The following LY75 variants were observed in gnomAD, a reference collection of about 807,000 sequenced individuals.
LY75 encodes the protein C-type lectin domain family 13 member B.
In LY75, 185 loss-of-function variants were observed where a neutral mutation model predicts 231.7. That is an observed-to-expected ratio of 0.80 (90% CI 0.71 to 0.90). The LOEUF (loss-of-function observed/expected upper bound fraction) is 0.90. LY75 is among the 40% of genes least tolerant of loss of function. The pLI, the probability that LY75 is intolerant of heterozygous loss-of-function variation, is 0.00. For missense variants in LY75, 1,947 were observed against 2,050.2 expected, an observed-to-expected ratio of 0.95 and a Z score of 0.97; for synonymous variants, 668 against 689.0, an observed-to-expected ratio of 0.97 and a Z score of 0.48.
At chr2:159,810,492 TGA>T in intron 32 of LY75, 32 bp downstream of exon 32, 1 of 1,591,792 alleles carries the variant, frequency 6.3e-7, no homozygotes, top group East Asian at 2.2e-5. Flanking sequence ...TAAAAATTAT[TGA>T]GTCATAAGAA....
In LY75 at chr2:159,834,038, AC is replaced by A; in HGVS notation, c.3841+5del. 1 of 1,612,788 alleles carries A rather than the reference AC, an allele frequency of 6.2e-7. No homozygotes were observed. Among genetic ancestry groups the A allele is most frequent in the Non-Finnish European group, 8.5e-7 (1 of 1,179,610 alleles). ...CAACATGAGAATGGACTAATATAAT[AC>A]TTACTCAGTTTCTGGCATTTAGTAT... is the stretch of plus-strand genomic sequence containing the variant. On this transcript the variant is annotated splice_donor_5th_base_variant and intron_variant, in intron 27 of 34. Coordinates refer to ENST00000263636, the MANE Select transcript of LY75 (RefSeq NM_002349.4).
Position 159,831,265 on chromosome 2 carries a change from CTCT to C in LY75, c.3958+402_3958+404del, listed in dbSNP as rs1336758098. On this transcript the variant is annotated intron_variant, in intron 28 of 34. Coordinates refer to ENST00000263636, the MANE Select transcript of LY75 (RefSeq NM_002349.4). ...AAAGTGTGTAGCACCTCCTCCTTCA[CTCT>C]CTCTCCTGCTCCACCATAGTAAAAC... 2.0e-5 allele frequency among the ~76,000 whole-genome samples: 3 copies of C among 152,134 alleles called. No homozygotes were observed. In the East Asian group the frequency reaches 5.8e-4, roughly 29 times the overall value.
chr2:159,838,446 G>A (rs1399220171), intron 25 of LY75, among the ~76,000 whole-genome samples: 1 of 151,964 alleles, frequency 6.6e-6, no homozygotes, highest in Non-Finnish European at 1.5e-5. Flanking sequence ...AAAATAAATA[G>A]GTACACATAG....
At chr2:159,807,805 T>G in intron 33 of LY75, 2 of 956,320 alleles carry the variant, frequency 2.1e-6, no homozygotes, top group Non-Finnish European at 2.5e-6. Flanking sequence ...ATTTGTACTC[T>G]TATTTCTACC....
In LY75 at chr2:159,887,566, CAA is replaced by C. The variant is rs369452762; in HGVS notation, c.803-1038_803-1037del. 3.3e-3 allele frequency among the ~76,000 whole-genome samples: 341 copies of C among 103,818 alleles called. 2 individuals are homozygous for C. The highest frequency in any genetic ancestry group is 0.019 in the East Asian group (75 of 4,028). The allele number at this position is 103,818 out of a possible 152,430, so 68.1% of individuals were successfully genotyped here. A position where few individuals can be genotyped will look rare whatever the true frequency, so the allele number is the denominator to read the frequency against. On this transcript the variant is annotated intron_variant, in intron 4 of 34. Coordinates refer to ENST00000263636, the MANE Select transcript of LY75 (RefSeq NM_002349.4). ...GAGCAGGACTCTGTCTCAACAACAA[CAA>C]AAAAAAAAAAAAAAAAGAAAAAAGA...
chr2:159,854,103 C>G (rs1397132993), intron 18 of LY75, among the ~76,000 whole-genome samples: 1 of 152,052 alleles, frequency 6.6e-6, no homozygotes, highest in Non-Finnish European at 1.5e-5. Flanking sequence ...AAAAATGTGA[C>G]AGGAAATTAG....
At chr2:159,815,173 T>C (rs1344767722) in intron 31 of LY75, among the ~76,000 whole-genome samples, 1 of 152,090 alleles carries the variant, frequency 6.6e-6, no homozygotes, top group Non-Finnish European at 1.5e-5. Flanking sequence ...GCTATTTTTT[T>C]TGCATTTTTA....
intron 23 of LY75, among the ~76,000 whole-genome samples, chr2:159,844,789 C>CTTT (rs143897451): frequency 1.4e-5 from 2 of 141,532 alleles, no homozygotes; most frequent in African/African-American, 2.7e-5. Context: ...AGCTGTCATT[C>CTTT]TTTTTTTTTT....
intron 30 of LY75, among the ~76,000 whole-genome samples, chr2:159,816,256 C>A (rs990447607): frequency 2.6e-5 from 4 of 152,260 alleles, no homozygotes; most frequent in African/African-American, 9.6e-5. Flanking sequence ...GCACAGATGT[C>A]TTTACTAGCA....
In LY75 at chr2:159,848,068, G is replaced by GTATA. The variant is rs557189751; in HGVS notation, c.3150+1908_3150+1911dup. ...TGAATGGATAAAGAAATTATGGTGTGTATATATATATATATATATATATAT... is the reference window on the plus strand; with the variant it reads ...TGAATGGATAAAGAAATTATGGTGTGTATATATATATATATATATATATATATAT... On this transcript the variant is annotated intron_variant, in intron 23 of 34. Coordinates refer to ENST00000263636, the MANE Select transcript of LY75 (RefSeq NM_002349.4). Among the ~76,000 whole-genome samples, 1,479 of 123,598 alleles carry GTATA rather than the reference G, an allele frequency of 0.012. 79 individuals carry two copies. The East Asian group carries it at 0.16, about 14-fold the overall frequency. The allele number at this position is 123,598 out of a possible 152,430, so 81.1% of individuals were successfully genotyped here. A position where few individuals can be genotyped will look rare whatever the true frequency, so the allele number is the denominator to read the frequency against.
chr2:159,872,021 T>C (rs546350458), intron 13 of LY75: 1 of 155,484 alleles, frequency 6.4e-6, no homozygotes, highest in South Asian at 2.0e-4. Flanking sequence ...TCTTAGTTCC[T>C]TTGCTTATGT....
chr2:159,865,165 GA>G (rs1034780533), intron 13 of LY75, among the ~76,000 whole-genome samples: 1 of 151,870 alleles, frequency 6.6e-6, no homozygotes, highest in South Asian at 2.1e-4. Context: ...ATTTTAAGAG[GA>G]AAAAAATGGA....
intron 28 of LY75, among the ~76,000 whole-genome samples, chr2:159,829,762 C>G (rs1683591272): frequency 6.6e-6 from 1 of 152,118 alleles, no homozygotes. Flanking sequence ...CTATATGTCC[C>G]TCATATGCCT....
At chr2:159,854,700 C>T (rs1455227598) in intron 17 of LY75, among the ~76,000 whole-genome samples, 165 bp from the exon 18 acceptor site, 1 of 152,200 alleles carries the variant, frequency 6.6e-6, no homozygotes, top group Admixed American at 6.5e-5. Context: ...GAGCCAGTGA[C>T]TCTGCCACTC....
rs6722188 is a variant in LY75 at position 159,834,135 on chromosome 2, T to G, written c.3750A>C (p.Pro1250=). Residue 1250 remains proline (P), a synonymous_variant, in exon 27 of 35, where the codon CCA becomes CCC. Coordinates refer to ENST00000263636, the MANE Select transcript of LY75 (RefSeq NM_002349.4). ...PSPVLNTPWI[P]FQNCCYNFII... is the part of the protein sequence containing the mutation. Reference sequence around the variant, plus strand: ...TGAAATTGTAGCAACAGTTCTGAAATGGTATCCACGGAGTATTTAGAACAG... The same window carrying G: ...TGAAATTGTAGCAACAGTTCTGAAAGGGTATCCACGGAGTATTTAGAACAG... 1.2e-6 allele frequency: 2 copies of G among 1,613,962 alleles called. No homozygotes were observed. The highest frequency in any genetic ancestry group is 1.7e-6 in the Non-Finnish European group (2 of 1,179,970).
rs182433068 is a variant in LY75, at chr2:159,853,455, A to T, written c.2664-103T>A. On this transcript the variant is annotated intron_variant, in intron 19 of 34. Coordinates refer to ENST00000263636, the MANE Select transcript of LY75 (RefSeq NM_002349.4). The stretch of plus-strand genomic sequence containing the variant: ...TATTTCTAAATTTAATGTTAATACC[A>T]TTACTCTATACCCCTTTTTTCTTGA... 12 of 1,486,194 alleles carry T rather than the reference A, an allele frequency of 8.1e-6. No homozygotes were observed. The East Asian group carries it at 3.0e-4, about 37-fold the overall frequency. 92.1% of individuals were successfully genotyped at this position (1,486,194 alleles called of 1,614,324 possible).
chr2:159,806,929 G>T, intron 34 of LY75, 44 bp downstream of exon 34: 1 of 1,562,366 alleles, frequency 6.4e-7, no homozygotes, highest in South Asian at 1.2e-5. Flanking sequence ...TTTATTTCCT[G>T]ACTGTTCTGC....
chr2:159,853,570 A>AATAG (rs1280277476), intron 19 of LY75, 60 bp downstream of exon 19: 2 of 1,608,076 alleles, frequency 1.2e-6, no homozygotes, highest in Admixed American at 3.4e-5. Context: ...CCATTTAGTA[A>AATAG]AAGGAACTGC....
rs774325138 is a variant in LY75, at chr2:159,894,048, G to T, written c.503C>A (p.Pro168His). 146 of 1,613,364 alleles carry T rather than the reference G, an allele frequency of 9.0e-5. No individual in the cohort carries two copies. The highest frequency in any genetic ancestry group is 1.2e-4 in the Non-Finnish European group (138 of 1,179,676). The change falls in exon 3 of 35, where the codon CCT becomes CAT. Residue 168 changes from proline (P) to histidine (H), a missense_variant. By Grantham distance (77) the Pro-to-His change is moderately conservative. Coordinates refer to ENST00000263636, the MANE Select transcript of LY75 (RefSeq NM_002349.4). ...YTRDGNSYGRPCEFPFLIDGT... is the reference protein window; with the variant it reads ...YTRDGNSYGRHCEFPFLIDGT... ...ATCAATTAAGAATGGAAATTCACAA[G>T]GTCTCCCATAAGAGTTCCCATCTCT...
Sources: gnomAD v4.1 joint callset for allele counts (sites outside exome capture counted in the v4.1 genomes callset) on GRCh38, gnomAD v4.1.1 for gene constraint, MANE v1.5 for transcripts, NCBI Gene and HGNC (gene_info 2026-07-23, HGNC 2026-07-21) for gene names.